Variants in SYT1 observed in about 807,000 individuals in gnomAD.
The protein encoded by SYT1 is synaptotagmin-1.
A neutral mutation model predicts 44.8 loss-of-function variants in SYT1; 8 were observed. That is an observed-to-expected ratio of 0.18 (90% CI 0.10 to 0.32). The LOEUF (loss-of-function observed/expected upper bound fraction) is 0.32, where lower values mean the gene tolerates loss of function less well. SYT1 is among the 10% of genes least tolerant of loss of function. The probability of loss-of-function intolerance (pLI) is 1.00; values close to 1 mark genes in which losing one functional copy is unlikely to be tolerated. For synonymous variants in SYT1, 154 were observed against 188.8 expected (o/e 0.82, Z 1.51); for missense variants, 286 against 509.3 (o/e 0.56, Z 4.22).
At chr12:79,371,724 C>A (rs1883798692) in intron 9 of SYT1, among the ~76,000 whole-genome samples, 1 of 152,200 alleles carries the variant, frequency 6.6e-6, no homozygotes, top group Non-Finnish European at 1.5e-5. Context: ...ACTTCCTGGG[C>A]AGTTTTAATT....
At chr12:79,212,439 T>C (rs1450542716) in intron 3 of SYT1, among the ~76,000 whole-genome samples, 4 of 150,366 alleles carry the variant, frequency 2.7e-5, no homozygotes, top group African/African-American at 9.8e-5. Flanking sequence ...ACAGCACATG[T>C]ATACCTATGT....
At chr12:78,964,685 T>A (rs1306662792) in intron 1 of SYT1, among the ~76,000 whole-genome samples, 1 of 152,164 alleles carries the variant, frequency 6.6e-6, no homozygotes, top group Non-Finnish European at 1.5e-5. Context: ...GTAAAAGAAT[T>A]CCTGTAAGTG....
At chr12:79,091,600 C>T (rs1188640032) in intron 3 of SYT1, among the ~76,000 whole-genome samples, 2 of 151,802 alleles carry the variant, frequency 1.3e-5, no homozygotes, top group South Asian at 2.1e-4. Context: ...GAAAAAGGCA[C>T]ATTTAATTTC....
intron 2 of SYT1, among the ~76,000 whole-genome samples, chr12:79,001,282 C>T (rs192693645): frequency 1.3e-5 from 2 of 150,476 alleles, no homozygotes; most frequent in East Asian, 3.9e-4. Flanking sequence ...AGCCCCTATC[C>T]TTCTAATGAA....
intron 2 of SYT1, among the ~76,000 whole-genome samples, chr12:79,020,124 C>T (rs892300629): frequency 6.6e-6 from 1 of 151,952 alleles, no homozygotes; most frequent in Non-Finnish European, 1.5e-5. Context: ...GCTTTTGTGA[C>T]CTTGAATGCA....
At chr12:79,434,397 C>T (rs1039864728) in intron 9 of SYT1, among the ~76,000 whole-genome samples, 2 of 152,234 alleles carry the variant, frequency 1.3e-5, no homozygotes, top group Non-Finnish European at 2.9e-5. Flanking sequence ...ACTATAAAGA[C>T]ACTTAAATGC....
intron 3 of SYT1, among the ~76,000 whole-genome samples, chr12:79,151,265 C>T (rs916332153): frequency 2.0e-5 from 3 of 152,052 alleles, no homozygotes; most frequent in South Asian, 2.1e-4. Flanking sequence ...CCTGGGACTT[C>T]GGAACAACCT....
At chr12:79,428,291 G>A (rs572990227) in intron 9 of SYT1, among the ~76,000 whole-genome samples, 25 of 152,184 alleles carry the variant, frequency 1.6e-4, no homozygotes, top group African/African-American at 5.5e-4. Context: ...TCTGGTTCTC[G>A]CCTAGCTACA....
chr12:79,112,191 AAGAAAG>A (rs1879052062), intron 3 of SYT1, among the ~76,000 whole-genome samples: 1 of 152,080 alleles, frequency 6.6e-6, no homozygotes, highest in Non-Finnish European at 1.5e-5. Context: ...GTGGACTCAA[AAGAAAG>A]AGATACTAAC....
intron 5 of SYT1, among the ~76,000 whole-genome samples, chr12:79,286,722 G>T (rs2138832917): frequency 6.6e-6 from 1 of 152,080 alleles, no homozygotes; most frequent in Middle Eastern, 3.4e-3. Context: ...GGACAACTTG[G>T]TTCAAGATAA....
At chr12:79,376,015 A>T (rs1593012842) in intron 9 of SYT1, among the ~76,000 whole-genome samples, 1 of 152,208 alleles carries the variant, frequency 6.6e-6, no homozygotes, top group Non-Finnish European at 1.5e-5. Context: ...ATTTCTATAC[A>T]TCTATCTTAT....
chr12:79,246,164 C>G (rs1876839104), intron 4 of SYT1, among the ~76,000 whole-genome samples: 1 of 152,038 alleles, frequency 6.6e-6, no homozygotes. Context: ...TAATGAAGAA[C>G]AGAATCTGAA....
chr12:78,931,549 G>A (rs888793345), intron 1 of SYT1, among the ~76,000 whole-genome samples: 2 of 152,168 alleles, frequency 1.3e-5, no homozygotes, highest in African/African-American at 4.8e-5. Context: ...ACTTCAATTC[G>A]CATCTTGAGA....
At chr12:78,879,386 G>A (rs1164247369) in intron 1 of SYT1, among the ~76,000 whole-genome samples, 4 of 151,698 alleles carry the variant, frequency 2.6e-5, no homozygotes, top group African/African-American at 4.8e-5. Context: ...AATCATTCCC[G>A]TCTTACTAGG....
At chr12:78,892,768 A>G (rs1875126308) in intron 1 of SYT1, among the ~76,000 whole-genome samples, 1 of 151,854 alleles carries the variant, frequency 6.6e-6, no homozygotes, top group African/African-American at 2.4e-5. Context: ...CACCCAAAAT[A>G]ATCTCAAGGG....
At chr12:79,432,379 A>G (rs2136181195) in intron 9 of SYT1, among the ~76,000 whole-genome samples, 1 of 151,834 alleles carries the variant, frequency 6.6e-6, no homozygotes, top group African/African-American at 2.4e-5. Context: ...CAACCCCACA[A>G]GAGGCCCCGG....
rs571498541 is a variant in SYT1, at chr12:79,326,663, G to A, written c.811-26839G>A. Reference sequence around the variant, plus strand: ...GATTTCAAGTGTCTTTCAACCCACAGATTTTTTTTCTCTGCCTGCGAGAGG... The same window carrying A: ...GATTTCAAGTGTCTTTCAACCCACAAATTTTTTTTCTCTGCCTGCGAGAGG... On this transcript the variant is annotated intron_variant, in intron 8 of 10. Transcript: ENST00000261205. Among the ~76,000 whole-genome samples the A allele has an allele frequency of 2.0e-4, 30 of 152,324 alleles. 1 individual carries two copies. The South Asian group carries it at 5.4e-3, about 27-fold the overall frequency.
intron 4 of SYT1, among the ~76,000 whole-genome samples, chr12:79,248,072 A>G (rs1426277563): frequency 6.6e-6 from 1 of 152,236 alleles, no homozygotes; most frequent in Non-Finnish European, 1.5e-5. Context: ...CATTTGACCC[A>G]GTTGGCACAG....
chr12:79,128,970 A>G lies in SYT1; in HGVS notation c.-18+81608A>G, dbSNP rs189789022. On this transcript the variant is annotated intron_variant, in intron 3 of 10. Transcript: ENST00000261205. ...TTTGTGTTTCAAAAAGTGTAGATAT[A>G]AGACAAAACAAAAAATATATATTTA... is the stretch of plus-strand genomic sequence containing the variant. Among the ~76,000 whole-genome samples the G allele has an allele frequency of 2.4e-3, 371 of 152,094 alleles. 3 individuals are homozygous for G. The highest frequency in any genetic ancestry group is 7.1e-3 in the African/African-American group (296 of 41,500).
Sources: gnomAD v4.1 joint callset for allele counts (sites outside exome capture counted in the v4.1 genomes callset) on GRCh38, gnomAD v4.1.1 for gene constraint, MANE v1.5 for transcripts, NCBI Gene and HGNC (gene_info 2026-07-23, HGNC 2026-07-21) for gene names.